KCTD8: variants seen among roughly 807,000 people sequenced by gnomAD.
KCTD8 encodes the protein BTB/POZ domain-containing protein KCTD8.
Under a neutral mutation model 31.5 loss-of-function variants are expected in KCTD8, and 27 were observed. That is an observed-to-expected ratio of 0.86 (90% CI 0.63 to 1.18). The LOEUF (loss-of-function observed/expected upper bound fraction) is 1.18. Ranked by LOEUF, KCTD8 falls within the 50% of genes most tolerant of loss-of-function variation. The pLI is 0.00. For synonymous variants in KCTD8, 290 were observed against 280.0 expected (o/e 1.04, Z -0.36); for missense variants, 658 against 647.7 (o/e 1.02, Z -0.17).
At chr4:44,372,603 C>CT (rs112823478) in intron 1 of KCTD8, among the ~76,000 whole-genome samples, 32 of 151,258 alleles carry the variant, frequency 2.1e-4, no homozygotes, top group Non-Finnish European at 3.7e-4. Flanking sequence ...GTAAAGAAAC[C>CT]TTTTTTTTTC....
intron 1 of KCTD8, among the ~76,000 whole-genome samples, chr4:44,397,937 C>T (rs906357163): frequency 1.3e-5 from 2 of 152,032 alleles, no homozygotes; most frequent in African/African-American, 4.8e-5. Flanking sequence ...GTTAAATTTA[C>T]TTTTTTTAAA....
intron 1 of KCTD8, among the ~76,000 whole-genome samples, chr4:44,177,007 A>C (rs951274240): frequency 6.6e-6 from 1 of 152,160 alleles, no homozygotes; most frequent in Non-Finnish European, 1.5e-5. Flanking sequence ...ACACCATTAC[A>C]TTTCAGAAGT....
chr4:44,439,417 T>G (rs1191947960), intron 1 of KCTD8, among the ~76,000 whole-genome samples: 3 of 152,142 alleles, frequency 2.0e-5, no homozygotes, highest in Non-Finnish European at 4.4e-5. Flanking sequence ...CAAGTTAACT[T>G]TTGAACATAC....
At chr4:44,325,101 C>T (rs1718408969) in intron 1 of KCTD8, among the ~76,000 whole-genome samples, 1 of 151,926 alleles carries the variant, frequency 6.6e-6, no homozygotes, top group Non-Finnish European at 1.5e-5. Context: ...CTCTATAATT[C>T]TGGGTAAAAT....
At chr4:44,273,384 A>C (rs1376082796) in intron 1 of KCTD8, among the ~76,000 whole-genome samples, 1 of 152,008 alleles carries the variant, frequency 6.6e-6, no homozygotes, top group East Asian at 1.9e-4. Flanking sequence ...GCTGTACATA[A>C]AAATTTTCTA....
At chr4:44,385,366 G>A (rs1010565898) in intron 1 of KCTD8, among the ~76,000 whole-genome samples, 9 of 151,594 alleles carry the variant, frequency 5.9e-5, no homozygotes, top group Non-Finnish European at 1.0e-4. Flanking sequence ...ATAGACGAAG[G>A]AAATAGAATA....
chr4:44,370,627 AG>A (rs1719759482), intron 1 of KCTD8, among the ~76,000 whole-genome samples: 1 of 152,168 alleles, frequency 6.6e-6, no homozygotes, highest in Admixed American at 6.5e-5. Context: ...AGCAGAAATA[AG>A]GAGGATAACA....
chr4:44,287,235 T>C (rs1457523837), intron 1 of KCTD8, among the ~76,000 whole-genome samples: 1 of 151,962 alleles, frequency 6.6e-6, no homozygotes, highest in Non-Finnish European at 1.5e-5. Flanking sequence ...TGGACAAAAA[T>C]AGCGAAACCT....
intron 1 of KCTD8, among the ~76,000 whole-genome samples, chr4:44,366,158 G>GA (rs964815800): frequency 1.5e-4 from 23 of 151,386 alleles, no homozygotes; most frequent in Middle Eastern, 3.4e-3. Flanking sequence ...TGTACGACTA[G>GA]AAAAAAAAAT....
chr4:44,391,852 T>A (rs1720382758), intron 1 of KCTD8, among the ~76,000 whole-genome samples: 2 of 151,966 alleles, frequency 1.3e-5, no homozygotes, highest in African/African-American at 4.8e-5. Context: ...ACAAAGTTAA[T>A]CCACGTGATT....
chr4:44,346,762 C>T (rs1719047936), intron 1 of KCTD8, among the ~76,000 whole-genome samples: 1 of 152,164 alleles, frequency 6.6e-6, no homozygotes, highest in Admixed American at 6.5e-5. Flanking sequence ...ATTTATAGAG[C>T]TTGTGCTCTT....
chr4:44,356,868 G>C (rs543477286), intron 1 of KCTD8, among the ~76,000 whole-genome samples: 1 of 152,258 alleles, frequency 6.6e-6, no homozygotes, highest in South Asian at 2.1e-4. Flanking sequence ...GGAACTTGGA[G>C]ACTTGTCTGT....
intron 1 of KCTD8, among the ~76,000 whole-genome samples, chr4:44,246,311 T>C (rs1715662666): frequency 1.3e-5 from 2 of 152,022 alleles, no homozygotes; most frequent in African/African-American, 4.8e-5. Flanking sequence ...TCCAATCAAT[T>C]AAACCTATCT....
At chr4:44,275,164 G>T (rs889884478) in intron 1 of KCTD8, among the ~76,000 whole-genome samples, 1 of 151,864 alleles carries the variant, frequency 6.6e-6, no homozygotes, top group African/African-American at 2.4e-5. Flanking sequence ...ATGAGACAGG[G>T]ATCATATGGA....
At chr4:44,336,013 A>G (rs190382714) in intron 1 of KCTD8, among the ~76,000 whole-genome samples, 3,413 of 149,240 alleles carry the variant, frequency 0.023, 68 homozygotes, top group Non-Finnish European at 0.037. Context: ...AGCCGGGCGT[A>G]GTGGCGGGCG....
At chr4:44,237,215 G>A (rs1402751956) in intron 1 of KCTD8, among the ~76,000 whole-genome samples, 1 of 152,100 alleles carries the variant, frequency 6.6e-6, no homozygotes, top group Admixed American at 6.5e-5. Flanking sequence ...GAGCAATATG[G>A]GAGGAATCCT....
chr4:44,267,948 G>C (rs1454471333), intron 1 of KCTD8, among the ~76,000 whole-genome samples: 1 of 152,138 alleles, frequency 6.6e-6, no homozygotes, highest in African/African-American at 2.4e-5. Flanking sequence ...ATTCACAGCA[G>C]AATTCCACCA....
At chr4:44,203,916 A>G (rs992558539) in intron 1 of KCTD8, among the ~76,000 whole-genome samples, 4 of 151,852 alleles carry the variant, frequency 2.6e-5, no homozygotes, top group Non-Finnish European at 5.9e-5. Context: ...AATAAAAGAA[A>G]TGAGAAATAA....
At chr4:44,343,218 G>A (rs1475826675) in intron 1 of KCTD8, among the ~76,000 whole-genome samples, 4 of 152,136 alleles carry the variant, frequency 2.6e-5, no homozygotes, top group African/African-American at 7.2e-5. Flanking sequence ...CTATTCACTT[G>A]AACACTTAGA....
Sources: gnomAD v4.1 joint callset for allele counts (sites outside exome capture counted in the v4.1 genomes callset) on GRCh38, gnomAD v4.1.1 for gene constraint, MANE v1.5 for transcripts, NCBI Gene and HGNC (gene_info 2026-07-23, HGNC 2026-07-21) for gene names.